GNB4: variants seen among roughly 807,000 people sequenced by gnomAD.
GNB4 encodes guanine nucleotide-binding protein subunit beta-4.
A neutral mutation model predicts 45.2 loss-of-function variants in GNB4; 28 were observed. The ratio of observed to expected loss-of-function variants is 0.62; its 90% CI spans 0.46 to 0.85. The LOEUF (loss-of-function observed/expected upper bound fraction) is 0.85. Ranked by LOEUF, GNB4 falls within the 40% of genes least tolerant of loss-of-function variation. The pLI, the probability that GNB4 is intolerant of heterozygous loss-of-function variation, is 0.00. For synonymous variants in GNB4, 132 were observed against 143.7 expected (o/e 0.92, Z 0.58); for missense variants, 321 against 425.4 (o/e 0.75, Z 2.16).
At chr3:179,416,433 G>T in intron 5 of GNB4, 60 bp downstream of exon 5, 2 of 969,972 alleles carry the variant, frequency 2.1e-6, no homozygotes, top group Non-Finnish European at 3.2e-6. Context: ...ATAAAGGAAA[G>T]AACTGGTGAA....
chr3:179,519,922 C>T, the GNB4 span, among the ~76,000 whole-genome samples: 2 of 152,112 alleles, frequency 1.3e-5, no homozygotes, highest in Non-Finnish European at 2.9e-5. Flanking sequence ...CTTTTAAAGC[C>T]TATAAACTCC....
the GNB4 span, among the ~76,000 whole-genome samples, chr3:179,505,190 CT>C: frequency 2.0e-5 from 3 of 152,152 alleles, no homozygotes; most frequent in Admixed American, 6.5e-5. Flanking sequence ...AACAGAGCAA[CT>C]GGAGGAAGAT....
At chr3:179,476,547 G>A in the GNB4 span, among the ~76,000 whole-genome samples, 5 of 152,210 alleles carry the variant, frequency 3.3e-5, no homozygotes, top group Admixed American at 3.3e-4. Flanking sequence ...GGACCCTCTT[G>A]TAACTCTAAC....
At chr3:179,495,080 G>A in the GNB4 span, among the ~76,000 whole-genome samples, 1 of 151,996 alleles carries the variant, frequency 6.6e-6, no homozygotes, top group African/African-American at 2.4e-5. Flanking sequence ...GTCAAAAGCT[G>A]AAGGGAAACA....
chr3:179,442,923 C>T (rs58386309), intron 1 of GNB4, among the ~76,000 whole-genome samples: 2,787 of 152,248 alleles, frequency 0.018, 87 homozygotes, highest in African/African-American at 0.064. Flanking sequence ...ATCCACCATA[C>T]CCGGCAGTTT....
At chr3:179,513,408 T>G in the GNB4 span, among the ~76,000 whole-genome samples, 1 of 152,202 alleles carries the variant, frequency 6.6e-6, no homozygotes. Flanking sequence ...GGTCTCAACC[T>G]CCTGGGCTCA....
chr3:179,468,035 A>AAAAAAAATAT, the GNB4 span, among the ~76,000 whole-genome samples: 1 of 89,860 alleles, frequency 1.1e-5, no homozygotes, highest in African/African-American at 4.0e-5. Context: ...TGTTGATAAA[A>AAAAAAAATAT]ATATATATAT....
chr3:179,502,228 CT>C, the GNB4 span, among the ~76,000 whole-genome samples: 24,153 of 75,234 alleles, frequency 0.32, 2,158 homozygotes, highest in East Asian at 0.58. Context: ...TTTTTCTTTT[CT>C]TTTTTTTTTT....
chr3:179,463,520 C>CTG, the GNB4 span, among the ~76,000 whole-genome samples: 1 of 152,128 alleles, frequency 6.6e-6, no homozygotes, highest in African/African-American at 2.4e-5. Flanking sequence ...CTCAGTAGCC[C>CTG]TGTATGGAAG....
At chr3:179,442,119 G>A (rs1396173997) in intron 1 of GNB4, among the ~76,000 whole-genome samples, 2 of 152,084 alleles carry the variant, frequency 1.3e-5, no homozygotes, top group African/African-American at 2.4e-5. Flanking sequence ...CTGAAATATC[G>A]TTATGGGGCT....
At chr3:179,495,228 A>T in the GNB4 span, among the ~76,000 whole-genome samples, 1 of 152,088 alleles carries the variant, frequency 6.6e-6, no homozygotes, top group Admixed American at 6.6e-5. Context: ...TCTCAAAGGA[A>T]AAAAAGAGAG....
rs7611674 is a variant in GNB4, at chr3:179,451,442, T to G, written c.-139A>C. 40,058 of 150,772 alleles carry G rather than the reference T, an allele frequency of 0.27. 6,213 individuals are homozygous for G. The highest frequency in any genetic ancestry group is 0.45 in the Middle Eastern group (131 of 292). 9.3% of individuals were successfully genotyped at this position (150,772 alleles called of 1,614,324 possible). ...GCGGAGCCGGCGTGGAGAGCGCAGC[T>G]CACAGCCGAGACCAGAGCCGCCGGC... is the stretch of plus-strand genomic sequence containing the variant. On this transcript the variant is annotated 5_prime_UTR_variant, in exon 1 of 10. Coordinates refer to ENST00000232564, the MANE Select transcript of GNB4 (RefSeq NM_021629.4).
At chr3:179,485,365 A>G in the GNB4 span, among the ~76,000 whole-genome samples, 1 of 152,112 alleles carries the variant, frequency 6.6e-6, no homozygotes, top group Non-Finnish European at 1.5e-5. Context: ...AATTGTACCT[A>G]TAAGTTAGTC....
At chr3:179,501,270 A>G in the GNB4 span, among the ~76,000 whole-genome samples, 2 of 150,594 alleles carry the variant, frequency 1.3e-5, no homozygotes, top group African/African-American at 4.9e-5. Flanking sequence ...TCTGAATTCC[A>G]GATCCAGATA....
chr3:179,484,534 C>T, the GNB4 span, among the ~76,000 whole-genome samples: 4 of 152,294 alleles, frequency 2.6e-5, no homozygotes, highest in African/African-American at 9.6e-5. Flanking sequence ...GGTGACACTA[C>T]CTTCCTGTTT....
chr3:179,414,006 T>G (rs921510954), intron 6 of GNB4, among the ~76,000 whole-genome samples: 6 of 152,182 alleles, frequency 3.9e-5, no homozygotes, highest in Non-Finnish European at 5.9e-5. Context: ...GACATTGTGC[T>G]GGGTACTCTG....
At chr3:179,470,187 A>G in the GNB4 span, among the ~76,000 whole-genome samples, 1 of 152,370 alleles carries the variant, frequency 6.6e-6, no homozygotes, top group African/African-American at 2.4e-5. Flanking sequence ...GCTACACTAT[A>G]CTTTTTATTG....
intron 8 of GNB4, 74 bp downstream of exon 8, chr3:179,413,338 T>C: frequency 1.8e-6 from 2 of 1,142,234 alleles, no homozygotes; most frequent in South Asian, 1.3e-5. Flanking sequence ...AGGCAATTTG[T>C]TGTTAAAATC....
At chr3:179,488,982 T>C in the GNB4 span, among the ~76,000 whole-genome samples, 1 of 30,892 alleles carries the variant, frequency 3.2e-5, no homozygotes, top group Non-Finnish European at 5.8e-5. Flanking sequence ...AGATCCTGTA[T>C]CCAAAAAAAA....
Sources: allele counts gnomAD v4.1 joint callset (sites outside exome capture counted in the v4.1 genomes callset), GRCh38; gene constraint gnomAD v4.1.1; transcripts MANE v1.5; gene names NCBI Gene and HGNC (gene_info 2026-07-23, HGNC 2026-07-21).